Variants in SF3B1 observed in about 807,000 individuals in gnomAD.
The protein encoded by SF3B1 is splicing factor 3b subunit 1, also known as pre-mRNA processing 10.
SF3B1 carries 12 observed loss-of-function variants against 153.8 expected under a neutral mutation model. The ratio of observed to expected loss-of-function variants is 0.08; its 90% CI spans 0.05 to 0.13. The LOEUF (loss-of-function observed/expected upper bound fraction) is 0.13, where lower values mean the gene tolerates loss of function less well. Among genes scored for constraint, SF3B1 ranks in the 10% least tolerant of loss-of-function variants. The probability of loss-of-function intolerance (pLI) is 1.00; values close to 1 mark genes in which losing one functional copy is unlikely to be tolerated. For synonymous variants in SF3B1, 498 were observed against 525.2 expected (o/e 0.95, Z 0.71); for missense variants, 513 against 1,606.1 (o/e 0.32, Z 11.63).
rs2105994455 is a variant in SF3B1 at position 197,408,534 on chromosome 2, G to C, written c.952C>G (p.Arg318Gly). 1 of 1,613,008 alleles carries C rather than the reference G, an allele frequency of 6.2e-7. No individual in the cohort carries two copies. Among genetic ancestry groups the C allele is most frequent in the South Asian group, 1.1e-5 (1 of 91,030 alleles). Residue 318 changes from arginine (R) to glycine (G), a missense_variant, in exon 8 of 25, where the codon CGA becomes GGA. By Grantham distance (125) the Arg-to-Gly change is moderately radical. This residue lies in a region of SF3B1 where 91 missense variants were observed against 157.4 expected (regional missense o/e 0.58). Transcript: ENST00000335508. ...GTTTCACCAATAGAATCTCCACCTC[G>C]ATCTGTTCGAGGAGTCTCAGCCCAT... ...SGWAETPRTD[R>G]GGDSIGETPT...
Position 197,408,429 on chromosome 2 carries a change from G to C in SF3B1, c.1057C>G (p.Leu353Val). The change falls in exon 8 of 25, where the codon CTG becomes GTG. Residue 353 changes from leucine (L) to valine (V), a missense_variant. This residue lies in a region of SF3B1 where 91 missense variants were observed against 157.4 expected (regional missense o/e 0.58). Transcript: ENST00000335508. ...ASQMGGSTPV[L>V]TPGKTPIGTP... ...CCAATTGGTGTCTTTCCAGGGGTCA[G>C]AACTGGAGTGCTTCCACCCATCTGA... is the stretch of plus-strand genomic sequence containing the variant. The C allele has an allele frequency of 6.2e-7, 1 of 1,614,142 alleles. No homozygotes were observed. Among genetic ancestry groups the C allele is most frequent in the Non-Finnish European group, 8.5e-7 (1 of 1,180,040 alleles).
intron 2 of SF3B1, 86 bp downstream of exon 2, chr2:197,423,722 T>G: frequency 7.4e-7 from 1 of 1,351,858 alleles, no homozygotes; most frequent in Non-Finnish European, 1.0e-6. Flanking sequence ...TTCTCCAGAT[T>G]AAACCAGATG....
intron 5 of SF3B1, among the ~76,000 whole-genome samples, chr2:197,417,918 C>T (rs1008252761): frequency 5.9e-5 from 9 of 151,850 alleles, no homozygotes; most frequent in African/African-American, 1.7e-4. Context: ...AGATACACAC[C>T]ATCAACCTTC....
chr2:197,407,063 G>A (rs943952058), intron 9 of SF3B1, among the ~76,000 whole-genome samples: 2 of 151,970 alleles, frequency 1.3e-5, no homozygotes, highest in Non-Finnish European at 2.9e-5. Context: ...TCTCCAGTAC[G>A]GGCAACACAG....
rs2084794690 is a variant in SF3B1 at position 197,390,185 on chromosome 2, T to A, written c.*2118A>T. The stretch of plus-strand genomic sequence containing the variant: ...TACTTCCCTCCTCTCTATCCTCAAA[T>A]TATTTGCATCAGTAAAAAAAGTTAA... On this transcript the variant is annotated 3_prime_UTR_variant, in exon 25 of 25. Coordinates refer to ENST00000335508, the MANE Select transcript of SF3B1 (RefSeq NM_012433.4). The A allele has an allele frequency of 6.6e-6, 1 of 152,188 alleles. No individual in the cohort carries two copies. The allele number at this position is 152,188 out of a possible 1,614,324, so 9.4% of individuals were successfully genotyped here. A position where few individuals can be genotyped will look rare whatever the true frequency, so the allele number is the denominator to read the frequency against.
chr2:197,400,235 T>G lies in SF3B1; in HGVS notation c.2901+17A>C, dbSNP rs779884519. 6 of 1,612,854 alleles carry G rather than the reference T, an allele frequency of 3.7e-6. No individual in the cohort carries two copies. The highest frequency in any genetic ancestry group is 1.1e-5 in the South Asian group (1 of 90,902). On this transcript the variant is annotated intron_variant, in intron 19 of 24. Coordinates refer to ENST00000335508, the MANE Select transcript of SF3B1 (RefSeq NM_012433.4). The surrounding 1 kb of genome is among the most constrained non-coding windows in gnomAD (Gnocchi z 5.0). ...AACTATTTGGGGAAGAAGTAAGAAT[T>G]TGATGCAAAAGTTTACCTCTTGACA...
At position 197,421,151 on chromosome 2, in the gene SF3B1, C is replaced by A. The variant is rs755418165; in HGVS notation, c.196-18G>T. 18 of 1,508,570 alleles carry A rather than the reference C, an allele frequency of 1.2e-5. No homozygotes were observed. The East Asian group carries it at 3.2e-4, about 27-fold the overall frequency. The allele number at this position is 1,508,570 out of a possible 1,614,324, so 93.4% of individuals were successfully genotyped here. ...TCGTCATCCTGCAATGAAAACCCCC[C>A]AAAAAGCCATAAACAAAATGTTAGA... On this transcript the variant is annotated intron_variant, in intron 2 of 24. Transcript: ENST00000335508.
chr2:197,400,027 A>G lies in SF3B1; in HGVS notation c.3013+28T>C. 7.2e-7 allele frequency: 1 copy of G among 1,380,014 alleles called. No homozygotes were observed. The highest frequency in any genetic ancestry group is 1.0e-6 in the Non-Finnish European group (1 of 989,898). 85.5% of individuals were successfully genotyped at this position (1,380,014 alleles called of 1,614,324 possible). ...GAAAAAGAAAGTTAAAACAAGAAAA[A>G]GTCTTATGTAACCAGCAAATTCCAT... On this transcript the variant is annotated intron_variant, in intron 20 of 24. Coordinates refer to ENST00000335508, the MANE Select transcript of SF3B1 (RefSeq NM_012433.4). The surrounding 1 kb of genome is among the most constrained non-coding windows in gnomAD (Gnocchi z 5.0).
chr2:197,425,534 A>G (rs1449298112), intron 1 of SF3B1, among the ~76,000 whole-genome samples: 1 of 152,126 alleles, frequency 6.6e-6, no homozygotes, highest in Non-Finnish European at 1.5e-5. Flanking sequence ...CATGAATCAA[A>G]AGATAAAGAT....
intron 6 of SF3B1, among the ~76,000 whole-genome samples, chr2:197,413,947 C>T (rs928178074): frequency 1.3e-5 from 2 of 152,018 alleles, no homozygotes; most frequent in African/African-American, 4.8e-5. Context: ...GCTGGGATTA[C>T]AGGTGCCCGC....
intron 5 of SF3B1, among the ~76,000 whole-genome samples, chr2:197,417,967 G>A (rs1282747914): frequency 6.6e-6 from 1 of 151,732 alleles, no homozygotes; most frequent in Non-Finnish European, 1.5e-5. Context: ...CAGGCACAGT[G>A]GCTCACACCT....
At chr2:197,398,654 T>C in intron 20 of SF3B1, 73 bp from the exon 21 acceptor site, 1 of 1,342,156 alleles carries the variant, frequency 7.5e-7, no homozygotes, top group Non-Finnish European at 1.1e-6. Context: ...TACTTAGCAA[T>C]GTCATATATG....
chr2:197,397,229 G>C (rs997188033), intron 22 of SF3B1, among the ~76,000 whole-genome samples: 8 of 152,076 alleles, frequency 5.3e-5, no homozygotes, highest in African/African-American at 1.7e-4. Flanking sequence ...CAGATGCCCA[G>C]GTTGGAGTGC....
intron 11 of SF3B1, among the ~76,000 whole-genome samples, 180 bp from the exon 12 acceptor site, chr2:197,403,944 A>T (rs2084961223): frequency 6.6e-6 from 1 of 152,228 alleles, no homozygotes; most frequent in Admixed American, 6.5e-5. Flanking sequence ...AATTCCTGTG[A>T]TAGAAATTTT....
chr2:197,408,638 C>A, intron 7 of SF3B1, 57 bp from the exon 8 acceptor site: 2 of 1,125,056 alleles, frequency 1.8e-6, no homozygotes, highest in Admixed American at 1.7e-5. Context: ...AAATAATATT[C>A]TTTATTCTCA....
chr2:197,407,977 C>T (rs575265345), intron 9 of SF3B1, 21 bp downstream of exon 9: 21 of 1,603,902 alleles, frequency 1.3e-5, no homozygotes, highest in Admixed American at 3.4e-5. Flanking sequence ...AATACCACCT[C>T]ATTCAAATTT....
At chr2:197,392,916 T>TA (rs1445609342) in intron 24 of SF3B1, 56 bp downstream of exon 24, 11 of 998,398 alleles carry the variant, frequency 1.1e-5, no homozygotes, top group South Asian at 4.3e-5. Context: ...TCCCAGAACT[T>TA]AAAGTATTAT....
intron 6 of SF3B1, among the ~76,000 whole-genome samples, chr2:197,413,172 G>T (rs564035130): frequency 3.3e-4 from 50 of 152,100 alleles, no homozygotes; most frequent in African/African-American, 1.1e-3. Context: ...AGGCCAAGGT[G>T]GGGGGATCAC....
intron 2 of SF3B1, among the ~76,000 whole-genome samples, chr2:197,422,672 C>T (rs1020650981): frequency 6.6e-6 from 1 of 152,132 alleles, no homozygotes; most frequent in African/African-American, 2.4e-5. Flanking sequence ...AGGTGGATCA[C>T]GAGCTCAGGA....
Sources: gnomAD v4.1 joint callset for allele counts (sites outside exome capture counted in the v4.1 genomes callset) on GRCh38, gnomAD v4.1.1 for gene constraint, gnomAD v4.1.1 regional missense constraint, Gnocchi (gnomAD v3.1) non-coding constraint, MANE v1.5 for transcripts, NCBI Gene and HGNC (gene_info 2026-07-23, HGNC 2026-07-21) for gene names.